The following RMND1 variants were observed in gnomAD, a reference collection of about 807,000 sequenced individuals.
The protein encoded by RMND1 is required for meiotic nuclear division 1 homolog.
A neutral mutation model predicts 54.0 loss-of-function variants in RMND1; 41 were observed. The observed-to-expected ratio is 0.76, with a 90% CI of 0.59 to 0.98. The LOEUF (loss-of-function observed/expected upper bound fraction) is 0.98, where lower values mean the gene tolerates loss of function less well. Ranked by LOEUF, RMND1 falls within the 50% of genes least tolerant of loss-of-function variation. RMND1 has a pLI of 0.00. For synonymous variants in RMND1, 183 were observed against 181.7 expected (o/e 1.01, Z -0.06); for missense variants, 457 against 532.0 (o/e 0.86, Z 1.39).
intron 10 of RMND1, among the ~76,000 whole-genome samples, chr6:151,412,572 G>C (rs1024318288): frequency 1.3e-5 from 2 of 152,156 alleles, no homozygotes; most frequent in African/African-American, 4.8e-5. Flanking sequence ...CTTGCTCTCT[G>C]TATTAGTCCA....
At position 151,452,119 on chromosome 6, in the gene RMND1, CAT is replaced by C. The variant is rs1341811574; in HGVS notation, c.-120_-119del. On this transcript the variant is annotated 5_prime_UTR_variant, in exon 1 of 12. The change abolishes an upstream ATG in the 5' untranslated region. Transcript: ENST00000444024. Reference sequence around the variant, plus strand: ...CAGCCTCTCACTACTGCAGCCAACCCATCTCCTGGAAGGGCGCTCCCGCCCAC... The same window carrying C: ...CAGCCTCTCACTACTGCAGCCAACCCCTCCTGGAAGGGCGCTCCCGCCCAC... 2.5e-5 allele frequency: 5 copies of C among 199,890 alleles called. No homozygotes were observed. The highest frequency in any genetic ancestry group is 5.2e-5 in the Non-Finnish European group (5 of 96,462). The allele number at this position is 199,890 out of a possible 1,614,324, so 12.4% of individuals were successfully genotyped here.
intron 4 of RMND1, among the ~76,000 whole-genome samples, chr6:151,432,781 A>T (rs1394601011): frequency 1.3e-5 from 2 of 152,068 alleles, no homozygotes; most frequent in African/African-American, 4.8e-5. Flanking sequence ...AAAAAAGAAA[A>T]TGGCAAGAAG....
intron 1 of RMND1, among the ~76,000 whole-genome samples, chr6:151,449,848 G>C (rs1371470381): frequency 6.6e-6 from 1 of 152,190 alleles, no homozygotes; most frequent in Non-Finnish European, 1.5e-5. Context: ...ACGGGGTTTC[G>C]CTGTGTTGGC....
intron 5 of RMND1, among the ~76,000 whole-genome samples, chr6:151,428,461 G>C (rs1780365955): frequency 6.6e-6 from 1 of 152,156 alleles, no homozygotes; most frequent in African/African-American, 2.4e-5. Flanking sequence ...CCACACTTGT[G>C]CAAAGGTCTT....
intron 1 of RMND1, among the ~76,000 whole-genome samples, chr6:151,450,429 CCACCCCG>C (rs1781118365): frequency 1.1e-5 from 1 of 92,270 alleles, no homozygotes; most frequent in Non-Finnish European, 2.1e-5. Context: ...GCCCGGCCAG[CCACCCCG>C]TCTGGGAGGG....
At chr6:151,450,680 C>T (rs2114980903) in intron 1 of RMND1, among the ~76,000 whole-genome samples, 1 of 151,568 alleles carries the variant, frequency 6.6e-6, no homozygotes, top group Middle Eastern at 3.5e-3. Flanking sequence ...TCTGCCCGGC[C>T]ACCACCCCGT....
intron 4 of RMND1, 110 bp from the exon 5 acceptor site, chr6:151,430,287 AAATAT>A: frequency 1.4e-6 from 1 of 703,204 alleles, no homozygotes; most frequent in Non-Finnish European, 2.5e-6. Flanking sequence ...CGATTTTTCA[AAATAT>A]GATGGTACTT....
chr6:151,425,552 A>G (rs1045761269), intron 6 of RMND1, among the ~76,000 whole-genome samples: 2 of 152,220 alleles, frequency 1.3e-5, no homozygotes, highest in Non-Finnish European at 1.5e-5. Context: ...TAAACCTAAT[A>G]GAACACAGAA....
rs1780182264 is a variant in RMND1 at position 151,422,567 on chromosome 6, TA to T, written c.975del (p.Phe325LeufsTer12). Reference sequence around the variant, plus strand: ...TCAGGAATTGACTGAATAGATTCAATAAATTTATCCAGTGATGCTTCCCAAA... The same window carrying T: ...TCAGGAATTGACTGAATAGATTCAATAATTTATCCAGTGATGCTTCCCAAA... ...LAIWEASLDK[F>X]IESIQSIPEA... On this transcript the variant is annotated frameshift_variant, in exon 8 of 12. Coordinates refer to ENST00000444024, the MANE Select transcript of RMND1 (RefSeq NM_017909.4). LOFTEE classifies it high-confidence loss of function. The T allele has an allele frequency of 6.5e-7, 1 of 1,542,248 alleles. No homozygotes were observed. Among genetic ancestry groups the T allele is most frequent in the Non-Finnish European group, 8.8e-7 (1 of 1,135,506 alleles).
chr6:151,432,426 A>C (rs1277328048), intron 4 of RMND1, among the ~76,000 whole-genome samples: 1 of 152,212 alleles, frequency 6.6e-6, no homozygotes, highest in Non-Finnish European at 1.5e-5. Context: ...CTTATCATCA[A>C]CTATAAGGAT....
intron 2 of RMND1, among the ~76,000 whole-genome samples, chr6:151,442,214 C>T (rs1454248445): frequency 6.6e-6 from 1 of 152,172 alleles, no homozygotes; most frequent in African/African-American, 2.4e-5. Flanking sequence ...CACGCTTTAT[C>T]CTGTAAGTTT....
chr6:151,405,618 T>C lies in RMND1; in HGVS notation c.1317+102A>G, dbSNP rs1301522652. The C allele has an allele frequency of 7.4e-6, 5 of 679,382 alleles. No homozygotes were observed. In the East Asian group the frequency reaches 7.7e-5, roughly 10 times the overall value. 42.1% of individuals were successfully genotyped at this position (679,382 alleles called of 1,614,324 possible). On this transcript the variant is annotated intron_variant, in intron 11 of 11. Coordinates refer to ENST00000444024, the MANE Select transcript of RMND1 (RefSeq NM_017909.4). ...TAGTAATGATAACAAAGTCAGCCTC[T>C]TTTCTGCTAATAATTTTCTATCTCA...
intron 10 of RMND1, among the ~76,000 whole-genome samples, chr6:151,407,767 G>T (rs1294744167): frequency 6.6e-6 from 1 of 152,014 alleles, no homozygotes; most frequent in Non-Finnish European, 1.5e-5. Context: ...AATTATCCGG[G>T]TGTTGTGGCG....
intron 2 of RMND1, among the ~76,000 whole-genome samples, chr6:151,443,344 C>T (rs1411526883): frequency 2.0e-5 from 3 of 152,164 alleles, no homozygotes; most frequent in African/African-American, 4.8e-5. Context: ...CAGAGTCTCA[C>T]TCTGTCACCC....
intron 1 of RMND1, chr6:151,446,123 T>A (rs1219699799): frequency 1.2e-5 from 3 of 259,812 alleles, no homozygotes; most frequent in Non-Finnish European, 1.5e-5. Flanking sequence ...GCATATCAAG[T>A]ATATAAAAAT....
At chr6:151,442,090 T>C (rs1218878034) in intron 2 of RMND1, among the ~76,000 whole-genome samples, 3 of 152,196 alleles carry the variant, frequency 2.0e-5, no homozygotes, top group Non-Finnish European at 2.9e-5. Context: ...ATATTTGATG[T>C]CAGAAGTACT....
In RMND1 at chr6:151,436,570, G is replaced by A. The variant is rs1274096399; in HGVS notation, c.505-16C>T. The A allele has an allele frequency of 3.1e-6, 5 of 1,612,734 alleles. No homozygotes were observed. Among genetic ancestry groups the A allele is most frequent in the South Asian group, 1.1e-5 (1 of 91,014 alleles). On this transcript the variant is annotated splice_polypyrimidine_tract_variant and intron_variant, in intron 2 of 11. Transcript: ENST00000444024. ...GCATTAGGTCCTGTTCCAGGGAAAT[G>A]AGCATAACATGGGTTACCAAGAGGC...
chr6:151,433,609 G>A (rs2046371), intron 3 of RMND1, among the ~76,000 whole-genome samples: 64,498 of 151,906 alleles, frequency 0.42, 14,030 homozygotes, highest in East Asian at 0.73. Context: ...ATTTGAAGAA[G>A]TATTAATATA....
chr6:151,444,977 T>G (rs1213830314), intron 2 of RMND1: 3 of 203,370 alleles, frequency 1.5e-5, no homozygotes, highest in African/African-American at 2.3e-5. Context: ...TAGTTTGTTT[T>G]TTTTTATTTT....
Sources: gnomAD v4.1 joint callset for allele counts (sites outside exome capture counted in the v4.1 genomes callset) on GRCh38, gnomAD v4.1.1 for gene constraint, MANE v1.5 for transcripts, NCBI Gene and HGNC (gene_info 2026-07-23, HGNC 2026-07-21) for gene names.